The following AHRR variants were observed in gnomAD, a reference collection of about 807,000 sequenced individuals.
The protein encoded by AHRR is aryl hydrocarbon receptor repressor, also known as ahR repressor.
A neutral mutation model predicts 44.0 loss-of-function variants in AHRR; 28 were observed. That is an observed-to-expected ratio of 0.64 (90% confidence interval 0.47 to 0.87). The LOEUF (loss-of-function observed/expected upper bound fraction) is 0.87. Ranked by LOEUF, AHRR falls within the 40% of genes least tolerant of loss-of-function variation. The pLI is 0.00. For synonymous variants in AHRR, 434 were observed against 407.0 expected, an observed-to-expected ratio of 1.07 and a Z score of -0.80; for missense variants, 990 against 953.9, an observed-to-expected ratio of 1.04 and a Z score of -0.50.
At chr5:348,016 G>A (rs1742736640) in intron 2 of AHRR, among the ~76,000 whole-genome samples, 1 of 152,246 alleles carries the variant, frequency 6.6e-6, no homozygotes, top group Non-Finnish European at 1.5e-5. Flanking sequence ...GCATGCCATC[G>A]GAGGTGGAGT....
intron 4 of AHRR, among the ~76,000 whole-genome samples, chr5:407,514 A>G (rs1735312887): frequency 2.0e-5 from 3 of 152,068 alleles, no homozygotes; most frequent in Admixed American, 2.0e-4. Flanking sequence ...TTAATTTTGT[A>G]CTGAATTATT....
At chr5:396,314 A>T (rs1453437832) in intron 4 of AHRR, among the ~76,000 whole-genome samples, 1 of 151,786 alleles carries the variant, frequency 6.6e-6, no homozygotes, top group African/African-American at 2.4e-5. Flanking sequence ...GGCATCCCAC[A>T]CCCCCCTTTG....
chr5:391,168 A>T lies in AHRR; in HGVS notation c.351+14452A>T, dbSNP rs553910308. ...GTGTGAGTGAGTACCTGGGAAAACT[A>T]AGTCAGCAAAGATGCAAGCAACTCC... On this transcript the variant is annotated intron_variant, in intron 4 of 10. Coordinates refer to ENST00000684583, the MANE Select transcript of AHRR (RefSeq NM_001377236.1). Among the ~76,000 whole-genome samples the T allele has an allele frequency of 5.5e-4, 84 of 152,346 alleles. No homozygotes were observed. In the South Asian group the frequency reaches 6.2e-3, roughly 11 times the overall value.
Position 376,607 on chromosome 5 carries a change from C to T in AHRR, c.245-3C>T. ...GCCTAATGTGTCTTTTCTTCTCTGA[C>T]AGTCGTGCAGGAGCAGAGCTCACGG... On this transcript the variant is annotated splice_region_variant and splice_polypyrimidine_tract_variant and intron_variant, in intron 3 of 10. Coordinates refer to ENST00000684583, the MANE Select transcript of AHRR (RefSeq NM_001377236.1). 4 of 979,188 alleles carry T rather than the reference C, an allele frequency of 4.1e-6. No individual in the cohort carries two copies. Among genetic ancestry groups the T allele is most frequent in the Non-Finnish European group, 4.9e-6 (4 of 821,886 alleles). 60.7% of individuals were successfully genotyped at this position (979,188 alleles called of 1,614,324 possible).
At chr5:398,540 TG>T (rs1401727185) in intron 4 of AHRR, among the ~76,000 whole-genome samples, 2 of 152,220 alleles carry the variant, frequency 1.3e-5, no homozygotes, top group African/African-American at 4.8e-5. Flanking sequence ...TCGGCTCAGC[TG>T]GGCTTGGACC....
At chr5:373,437 TC>T (rs1179609901) in intron 3 of AHRR, among the ~76,000 whole-genome samples, 1 of 152,136 alleles carries the variant, frequency 6.6e-6, no homozygotes, top group Admixed American at 6.5e-5. Flanking sequence ...ACAGAGCTCC[TC>T]CCGCCCTGGG....
chr5:330,449 C>T (rs1449170748), intron 1 of AHRR, among the ~76,000 whole-genome samples: 6 of 152,148 alleles, frequency 3.9e-5, no homozygotes, highest in Admixed American at 2.0e-4. Flanking sequence ...TCTTGGCTCA[C>T]TGTAACCTCT....
chr5:391,051 C>CAG (rs34464915), intron 4 of AHRR, among the ~76,000 whole-genome samples: 129,621 of 152,064 alleles, frequency 0.85, 55,650 homozygotes, highest in Non-Finnish European at 0.9. Flanking sequence ...CATCCTCAGA[C>CAG]AGACGGGAGA....
chr5:404,652 G>A lies in AHRR; in HGVS notation c.352-8692G>A, dbSNP rs1480455305. The A allele has an allele frequency of 2.7e-5, 5 of 188,010 alleles. No individual in the cohort carries two copies. The highest frequency in any genetic ancestry group is 4.7e-5 in the African/African-American group (2 of 42,542). 11.6% of individuals were successfully genotyped at this position (188,010 alleles called of 1,614,324 possible). ...ACTCTCTTGGTTGAGTCAGTAATAC[G>A]AGGGACATGGAAGTCTGGCCTTGGG... is the stretch of plus-strand genomic sequence containing the variant. On this transcript the variant is annotated intron_variant, in intron 4 of 10. Transcript: ENST00000684583. The surrounding 1 kb of genome is among the most constrained non-coding windows in gnomAD (Gnocchi z 4.1).
Position 434,550 on chromosome 5 carries a change from C to A in AHRR, c.1810C>A (p.Arg604Ser). The A allele has an allele frequency of 6.2e-7, 1 of 1,604,428 alleles. No homozygotes were observed. Among genetic ancestry groups the A allele is most frequent in the Non-Finnish European group, 8.5e-7 (1 of 1,176,030 alleles). ...GCCCCATGGGAGGGCCACTGCTGGGCGCAGCAGGGAGCTGACCCCTTTCCA... is the reference window on the plus strand; with the variant it reads ...GCCCCATGGGAGGGCCACTGCTGGGAGCAGCAGGGAGCTGACCCCTTTCCA... ...AQPHGRATAG[R>S]SRELTPFHPA... The change falls in exon 11 of 11, where the codon CGC (arginine) becomes AGC (serine). Residue 604 changes from arginine (R) to serine (S), a missense_variant. Transcript: ENST00000684583.
Position 416,070 on chromosome 5 carries a change from T to C in AHRR, c.441+2637T>C, listed in dbSNP as rs1426632480. ...TGGCTGTGTCTGCACACTGGATGCC[T>C]CCTTGGGATGGCCTCTCCCCCAGCA... On this transcript the variant is annotated intron_variant, in intron 5 of 10. Transcript: ENST00000684583. 2.0e-5 allele frequency among the ~76,000 whole-genome samples: 3 copies of C among 152,202 alleles called. No individual in the cohort carries two copies. The East Asian group carries it at 5.8e-4, about 29-fold the overall frequency.
chr5:416,191 A>G (rs906959947), intron 5 of AHRR, among the ~76,000 whole-genome samples: 13 of 152,352 alleles, frequency 8.5e-5, no homozygotes, highest in Non-Finnish European at 7.4e-5. Context: ...AACACCGTGC[A>G]GTGGACATGG....
chr5:379,439 G>A (rs565892881), intron 4 of AHRR, among the ~76,000 whole-genome samples: 2 of 152,338 alleles, frequency 1.3e-5, no homozygotes, highest in South Asian at 4.1e-4. Flanking sequence ...TTCATGAATA[G>A]TAAGCGTGTT....
chr5:323,598 A>G (rs1741582730), intron 1 of AHRR, among the ~76,000 whole-genome samples: 1 of 152,102 alleles, frequency 6.6e-6, no homozygotes, highest in Admixed American at 6.5e-5. Flanking sequence ...TGTTCCCGGG[A>G]GCAGGCCTTG....
intron 1 of AHRR, among the ~76,000 whole-genome samples, chr5:341,561 C>G (rs1002169544): frequency 1.5e-4 from 18 of 119,286 alleles, no homozygotes; most frequent in Non-Finnish European, 2.3e-4. Flanking sequence ...GAGCCTCACT[C>G]TGTCGCCCAG....
At chr5:336,657 T>C (rs1329942291) in intron 1 of AHRR, among the ~76,000 whole-genome samples, 6 of 142,630 alleles carry the variant, frequency 4.2e-5, no homozygotes, top group Admixed American at 6.6e-5. Flanking sequence ...GAAGTCCAAT[T>C]TATCAATTTT....
At chr5:322,369 C>T (rs1281216734) in intron 1 of AHRR, among the ~76,000 whole-genome samples, 1 of 152,156 alleles carries the variant, frequency 6.6e-6, no homozygotes, top group Admixed American at 6.5e-5. Context: ...GGGCGCGTGA[C>T]AGGCAGGGGC....
In AHRR at chr5:388,931, A is replaced by T. The variant is rs1215563257; in HGVS notation, c.351+12215A>T. Among the ~76,000 whole-genome samples the T allele has an allele frequency of 1.3e-5, 2 of 152,098 alleles. No homozygotes were observed. The highest frequency in any genetic ancestry group is 4.8e-5 in the African/African-American group (2 of 41,422). The stretch of plus-strand genomic sequence containing the variant: ...GCCGGTGCCTCGCACAGGAGAGAAG[A>T]TGGAGCCGAGTGAGGACCCAAGAGC... On this transcript the variant is annotated intron_variant, in intron 4 of 10. Coordinates refer to ENST00000684583, the MANE Select transcript of AHRR (RefSeq NM_001377236.1). This position sits in a 1 kb window ranked among gnomAD's most constrained non-coding sequence, Gnocchi z 5.2.
rs185232243 is a variant in AHRR at position 434,907 on chromosome 5, C to T, written c.*73C>T. On this transcript the variant is annotated 3_prime_UTR_variant, in exon 11 of 11. Coordinates refer to ENST00000684583, the MANE Select transcript of AHRR (RefSeq NM_001377236.1). ...GCGTCGGTGGCTGGGCTGCCCTGCTCCTGGTCAGGCCGGAGCCCGTCCTAA... is the reference window on the plus strand; with the variant it reads ...GCGTCGGTGGCTGGGCTGCCCTGCTTCTGGTCAGGCCGGAGCCCGTCCTAA... 1.4e-6 allele frequency: 2 copies of T among 1,480,310 alleles called. No individual in the cohort carries two copies. The highest frequency in any genetic ancestry group is 2.8e-5 in the African/African-American group (2 of 72,070). 91.7% of individuals were successfully genotyped at this position (1,480,310 alleles called of 1,614,324 possible).
Sources: allele counts gnomAD v4.1 joint callset (sites outside exome capture counted in the v4.1 genomes callset), GRCh38; gene constraint gnomAD v4.1.1; non-coding constraint Gnocchi (gnomAD v3.1); transcripts MANE v1.5; gene names NCBI Gene and HGNC (gene_info 2026-07-23, HGNC 2026-07-21).